The following MPDZ variants were observed in gnomAD, a reference collection of about 807,000 sequenced individuals.
MPDZ encodes the protein multiple PDZ domain protein.
Under a neutral mutation model 239.1 loss-of-function variants are expected in MPDZ, and 234 were observed. The ratio of observed to expected loss-of-function variants is 0.98; its 90% CI spans 0.88 to 1.09. The LOEUF (loss-of-function observed/expected upper bound fraction) is 1.09. Among genes scored for constraint, MPDZ ranks in the 50% least tolerant of loss-of-function variants. The probability of loss-of-function intolerance (pLI) is 0.00; values close to 1 mark genes in which losing one functional copy is unlikely to be tolerated. For synonymous variants in MPDZ, 1,048 were observed against 881.3 expected (o/e 1.19, Z -3.35); for missense variants, 3,175 against 2,510.0 (o/e 1.26, Z -5.66).
Position 13,205,938 on chromosome 9 carries a change from A to G in MPDZ, c.1452T>C (p.Pro484=). Residue 484 remains proline, a synonymous_variant, in exon 11 of 47, where the codon CCT becomes CCC. Transcript: ENST00000319217. The part of the protein sequence containing the change: ...EDVTKDADLS[P]VNASIIKENY... ...TACCTTTGATTATGCTGGCATTAAC[A>G]GGAGACAAATCTGCATCTTTTGTGA... is the stretch of plus-strand genomic sequence containing the variant. 1 of 1,605,770 alleles carries G rather than the reference A, an allele frequency of 6.2e-7. No individual in the cohort carries two copies. The highest frequency in any genetic ancestry group is 8.5e-7 in the Non-Finnish European group (1 of 1,176,214).
chr9:13,146,089 G>C (rs752668968), intron 26 of MPDZ, among the ~76,000 whole-genome samples: 1 of 151,988 alleles, frequency 6.6e-6, no homozygotes, highest in African/African-American at 2.4e-5. Context: ...AAAGAATGCA[G>C]CATGATGCAG....
chr9:13,123,124 G>C, intron 36 of MPDZ, 29 bp downstream of exon 36: 1 of 1,597,498 alleles, frequency 6.3e-7, no homozygotes, highest in Non-Finnish European at 8.5e-7. Context: ...AGGACGGCCT[G>C]TACAGAAGCA....
rs1300729860 is a variant in MPDZ at position 13,136,322 on chromosome 9, TTTC to T, written c.4293-143_4293-141del. 238 of 440,452 alleles carry T rather than the reference TTTC, an allele frequency of 5.4e-4. 2 individuals are homozygous for T. Among genetic ancestry groups the T allele is most frequent in the Admixed American group, 2.0e-3 (44 of 21,898 alleles). 27.3% of individuals were successfully genotyped at this position (440,452 alleles called of 1,614,324 possible). ...GTGACACTTACAAATTTACAAACGT[TTTC>T]TTTTTTTTTTTTTTTTTTTTTTTTG... On this transcript the variant is annotated intron_variant, in intron 30 of 46. Coordinates refer to ENST00000319217, the MANE Select transcript of MPDZ (RefSeq NM_001378778.1).
At position 13,193,320 on chromosome 9, in the gene MPDZ, A is replaced by C. The variant is rs1955201683; in HGVS notation, c.1657-7T>G. ...ACTTGCTCACATGGGCCACCTGAAA[A>C]GAAAAAAAAAAAGATCACCACAATT... On this transcript the variant is annotated splice_polypyrimidine_tract_variant and splice_region_variant and intron_variant, in intron 13 of 46. Transcript: ENST00000319217. The C allele has an allele frequency of 6.3e-7, 1 of 1,580,754 alleles. No individual in the cohort carries two copies. Among genetic ancestry groups the C allele is most frequent in the Non-Finnish European group, 8.6e-7 (1 of 1,166,264 alleles).
intron 21 of MPDZ, among the ~76,000 whole-genome samples, chr9:13,172,308 T>G (rs547760636): frequency 2.6e-4 from 39 of 152,110 alleles, no homozygotes; most frequent in Non-Finnish European, 4.9e-4. Flanking sequence ...CTAATTGTGA[T>G]TTACACTTTT....
chr9:13,145,956 C>CA (rs886416432), intron 26 of MPDZ, among the ~76,000 whole-genome samples: 33 of 151,572 alleles, frequency 2.2e-4, no homozygotes, highest in African/African-American at 6.0e-4. Context: ...CACCCACACA[C>CA]AAAAAAAATA....
rs189272583 is a variant in MPDZ, at chr9:13,227,572, C to T, written c.184-2989G>A. The stretch of plus-strand genomic sequence containing the variant: ...CTATGGTAAGCCAGAATGAACAAAT[C>T]GCATCCCGAGAATAGAGAGTCTGTC... On this transcript the variant is annotated intron_variant, in intron 3 of 46. Transcript: ENST00000319217. Among the ~76,000 whole-genome samples, 291 of 151,976 alleles carry T rather than the reference C, an allele frequency of 1.9e-3. 2 individuals are homozygous for T. The highest frequency in any genetic ancestry group is 3.0e-3 in the Non-Finnish European group (205 of 67,976).
Position 13,206,025 on chromosome 9 carries a change from C to A in MPDZ, c.1365G>T (p.Val455=), listed in dbSNP as rs767543209. 6.2e-7 allele frequency: 1 copy of A among 1,612,428 alleles called. No homozygotes were observed. The highest frequency in any genetic ancestry group is 2.2e-5 in the East Asian group (1 of 44,666). ...VEVLRHTGQT[V]LLTLMRRGMK... Reference sequence around the variant, plus strand: ...TTCCTCTCCTCATTAGTGTCAGGAGCACAGTTTGTCCTGTATGTCGCAATA... The same window carrying A: ...TTCCTCTCCTCATTAGTGTCAGGAGAACAGTTTGTCCTGTATGTCGCAATA... Residue 455 remains valine, a synonymous_variant, in exon 11 of 47, where the codon GTG becomes GTT. Coordinates refer to ENST00000319217, the MANE Select transcript of MPDZ (RefSeq NM_001378778.1).
chr9:13,127,095 T>C (rs965922358), intron 32 of MPDZ, among the ~76,000 whole-genome samples: 1 of 152,208 alleles, frequency 6.6e-6, no homozygotes, highest in Non-Finnish European at 1.5e-5. Flanking sequence ...CATTTACAAA[T>C]TTTGTCTAAT....
rs1941580428 is a variant in MPDZ, at chr9:13,107,069, T to C, written c.6109A>G (p.Ile2037Val). ...AGACTCTGCCCATTGACAGCAATGA[T>C]CTGATCGCCCCTTTTCAGACGTCCG... ...EDGRLKRGDQ[I>V]IAVNGQSLEG... is the part of the protein sequence containing the mutation. The change falls in exon 47 of 47, where the codon ATC becomes GTC. Residue 2037 changes from isoleucine (I) to valine (V), a missense_variant. Coordinates refer to ENST00000319217, the MANE Select transcript of MPDZ (RefSeq NM_001378778.1). The C allele has an allele frequency of 1.2e-6, 2 of 1,600,130 alleles. No individual in the cohort carries two copies. Among genetic ancestry groups the C allele is most frequent in the Middle Eastern group, 1.7e-4 (1 of 6,002 alleles).
At position 13,112,923 on chromosome 9, in the gene MPDZ, T is replaced by C; in HGVS notation, c.5601+88A>G. ...TACATACTTTTTGAGATGAATACTT[T>C]AAAACCGTAAGAAAGTTAACAAGAA... is the stretch of plus-strand genomic sequence containing the variant. On this transcript the variant is annotated intron_variant, in intron 42 of 46. Transcript: ENST00000319217. 3.1e-6 allele frequency: 4 copies of C among 1,279,500 alleles called. No individual in the cohort carries two copies. The South Asian group carries it at 5.3e-5, about 17-fold the overall frequency. 79.3% of individuals were successfully genotyped at this position (1,279,500 alleles called of 1,614,324 possible).
At chr9:13,119,799 G>C in intron 38 of MPDZ, 150 bp from the exon 39 acceptor site, 1 of 776,928 alleles carries the variant, frequency 1.3e-6, no homozygotes, top group Non-Finnish European at 2.1e-6. Flanking sequence ...GGCAACATTA[G>C]AATTATATTT....
At position 13,154,705 on chromosome 9, in the gene MPDZ, G is replaced by C. The variant is rs887682961; in HGVS notation, c.3452+3313C>G. The stretch of plus-strand genomic sequence containing the variant: ...TGAAGGTGATGATTACTGCAGTAAT[G>C]AAAGCAAGATATGAAACTGAAACTC... On this transcript the variant is annotated intron_variant, in intron 24 of 46. Transcript: ENST00000319217. Among the ~76,000 whole-genome samples, 7 of 152,246 alleles carry C rather than the reference G, an allele frequency of 4.6e-5. No individual in the cohort carries two copies. The East Asian group carries it at 1.4e-3, about 29-fold the overall frequency.
chr9:13,235,993 A>T, intron 3 of MPDZ, among the ~76,000 whole-genome samples: 1 of 151,918 alleles, frequency 6.6e-6, no homozygotes, highest in East Asian at 1.9e-4. Flanking sequence ...ATACAAAGCT[A>T]TAGACTTTAG....
At chr9:13,178,720 A>G (rs1056193620) in intron 19 of MPDZ, among the ~76,000 whole-genome samples, 4 of 152,166 alleles carry the variant, frequency 2.6e-5, no homozygotes, top group African/African-American at 9.7e-5. Context: ...TGTCATTGGC[A>G]CAGTCTGAAT....
At chr9:13,223,479 CCATT>C (rs1313485000) in intron 5 of MPDZ, 88 bp downstream of exon 5, 45 of 1,382,846 alleles carry the variant, frequency 3.3e-5, no homozygotes, top group African/African-American at 5.9e-5. Flanking sequence ...TTTTTTGTTG[CCATT>C]CATTATTATT....
intron 3 of MPDZ, among the ~76,000 whole-genome samples, chr9:13,236,376 C>G (rs1169629627): frequency 6.9e-6 from 1 of 145,662 alleles, no homozygotes; most frequent in Non-Finnish European, 1.5e-5. Flanking sequence ...CTCCCAGGTT[C>G]AAACGGTTCT....
chr9:13,201,009 C>T (rs1405106365), intron 12 of MPDZ, among the ~76,000 whole-genome samples: 1 of 151,922 alleles, frequency 6.6e-6, no homozygotes, highest in Non-Finnish European at 1.5e-5. Context: ...AAGTAGGGTG[C>T]AGAAGTCCCC....
chr9:13,239,352 C>G (rs909977795), intron 3 of MPDZ, among the ~76,000 whole-genome samples: 7 of 152,104 alleles, frequency 4.6e-5, no homozygotes, highest in African/African-American at 1.7e-4. Flanking sequence ...TACCACTTAA[C>G]CTCTCTATAA....
Sources: allele counts gnomAD v4.1 joint callset (sites outside exome capture counted in the v4.1 genomes callset), GRCh38; gene constraint gnomAD v4.1.1; transcripts MANE v1.5; gene names NCBI Gene and HGNC (gene_info 2026-07-23, HGNC 2026-07-21).